MCTP2: variants seen among roughly 807,000 people sequenced by gnomAD.
The protein encoded by MCTP2 is multiple C2 and transmembrane domain containing 2.
MCTP2 carries 132 observed loss-of-function variants against 111.6 expected under a neutral mutation model. The observed-to-expected ratio is 1.18, with a 90% CI of 1.03 to 1.37. The LOEUF (loss-of-function observed/expected upper bound fraction) is 1.37, where lower values mean the gene tolerates loss of function less well. Ranked by LOEUF, MCTP2 falls within the 40% of genes most tolerant of loss-of-function variation. The probability of loss-of-function intolerance (pLI) is 0.00; values close to 1 mark genes in which losing one functional copy is unlikely to be tolerated. For synonymous variants in MCTP2, 395 were observed against 387.7 expected (o/e 1.02, Z -0.22); for missense variants, 1,183 against 1,067.9 (o/e 1.11, Z -1.50).
At chr15:94,364,498 G>A (rs1004776582) in intron 10 of MCTP2, among the ~76,000 whole-genome samples, 1 of 152,126 alleles carries the variant, frequency 6.6e-6, no homozygotes, top group African/African-American at 2.4e-5. Flanking sequence ...TGAAAAAGAA[G>A]AAGTCTAGAT....
chr15:94,321,331 T>G (rs1345315153), intron 4 of MCTP2, among the ~76,000 whole-genome samples: 1 of 152,184 alleles, frequency 6.6e-6, no homozygotes, highest in Non-Finnish European at 1.5e-5. Flanking sequence ...AAATGATGTG[T>G]TTGAGGTGAT....
At chr15:94,419,663 A>G (rs17662635) in intron 17 of MCTP2, among the ~76,000 whole-genome samples, 9,652 of 152,174 alleles carry the variant, frequency 0.063, 383 homozygotes, top group East Asian at 0.17. Flanking sequence ...ATAGCCTTTC[A>G]TAGTTGCCCT....
intron 14 of MCTP2, among the ~76,000 whole-genome samples, chr15:94,389,136 A>G (rs1303379544): frequency 6.6e-6 from 1 of 152,118 alleles, no homozygotes; most frequent in African/African-American, 2.4e-5. Flanking sequence ...GTTTAGGAAG[A>G]CTTAGGAAGT....
intron 19 of MCTP2, among the ~76,000 whole-genome samples, chr15:94,456,101 AAATT>A (rs748399436): frequency 8.2e-4 from 125 of 152,240 alleles, no homozygotes; most frequent in Non-Finnish European, 1.3e-3. Context: ...CAATAATCAA[AAATT>A]AATTGTTTAC....
intron 3 of MCTP2, chr15:94,314,902 TGG>T: frequency 2.6e-6 from 1 of 383,312 alleles, no homozygotes; most frequent in Non-Finnish European, 5.1e-6. Context: ...ACACTAAGAG[TGG>T]GTGCCAGAGA....
At chr15:94,444,800 A>G (rs536781111) in intron 19 of MCTP2, among the ~76,000 whole-genome samples, 60 of 152,310 alleles carry the variant, frequency 3.9e-4, no homozygotes, top group Non-Finnish European at 7.2e-4. Context: ...TTTATAAACC[A>G]AGGCCTGGAT....
At chr15:94,423,716 A>G (rs1461092097) in intron 17 of MCTP2, among the ~76,000 whole-genome samples, 1 of 152,186 alleles carries the variant, frequency 6.6e-6, no homozygotes, top group Non-Finnish European at 1.5e-5. Context: ...TGCCAATGGT[A>G]GTGGCTGCTT....
chr15:94,464,364 A>G (rs1251816414), intron 20 of MCTP2, among the ~76,000 whole-genome samples: 5 of 148,906 alleles, frequency 3.4e-5, no homozygotes, highest in Non-Finnish European at 6.0e-5. Context: ...TAAATTTTCT[A>G]CTTGTTGATT....
At chr15:94,253,496 A>AT (rs945164340) in intron 1 of MCTP2, among the ~76,000 whole-genome samples, 9 of 152,038 alleles carry the variant, frequency 5.9e-5, no homozygotes, top group East Asian at 3.8e-4. Context: ...TTCTAGTTAC[A>AT]TTTTTTTGTG....
At chr15:94,268,700 A>T (rs374600305) in intron 1 of MCTP2, among the ~76,000 whole-genome samples, 5 of 151,558 alleles carry the variant, frequency 3.3e-5, no homozygotes, top group African/African-American at 1.2e-4. Context: ...TTACCAGTAG[A>T]TCATAAACTT....
At chr15:94,270,256 A>G (rs1184134489) in intron 1 of MCTP2, among the ~76,000 whole-genome samples, 2 of 152,170 alleles carry the variant, frequency 1.3e-5, no homozygotes, top group Admixed American at 6.5e-5. Context: ...ACTGAGATAG[A>G]GAGGCTTCAA....
At chr15:94,440,489 C>A (rs1183947877) in intron 18 of MCTP2, among the ~76,000 whole-genome samples, 191 bp downstream of exon 18, 1 of 152,302 alleles carries the variant, frequency 6.6e-6, no homozygotes, top group East Asian at 1.9e-4. Context: ...TGGCATCTTA[C>A]GTTCCTGAGT....
At chr15:94,382,476 C>CT (rs2080196356) in intron 12 of MCTP2, among the ~76,000 whole-genome samples, 1 of 152,260 alleles carries the variant, frequency 6.6e-6, no homozygotes, top group African/African-American at 2.4e-5. Flanking sequence ...GGCGAGGAAT[C>CT]TAAGTGTCCA....
chr15:94,234,806 T>C (rs1190164669), intron 1 of MCTP2, among the ~76,000 whole-genome samples: 1 of 152,212 alleles, frequency 6.6e-6, no homozygotes, highest in Non-Finnish European at 1.5e-5. Context: ...CCCAGTCTCA[T>C]GGAGCTGATT....
intron 8 of MCTP2, among the ~76,000 whole-genome samples, chr15:94,351,619 C>T (rs980567644): frequency 6.6e-5 from 10 of 152,218 alleles, no homozygotes; most frequent in African/African-American, 2.4e-4. Context: ...ATATGTTTAT[C>T]CTTCTGTCTC....
chr15:94,411,545 A>G (rs555905557), intron 17 of MCTP2, among the ~76,000 whole-genome samples: 44 of 152,238 alleles, frequency 2.9e-4, no homozygotes, highest in African/African-American at 9.9e-4. Context: ...GCCTGATCTG[A>G]TGTTTATGGA....
At chr15:94,429,958 CT>C (rs1274553162) in intron 17 of MCTP2, among the ~76,000 whole-genome samples, 1 of 152,130 alleles carries the variant, frequency 6.6e-6, no homozygotes, top group Non-Finnish European at 1.5e-5. Flanking sequence ...CAATCATTCC[CT>C]TTTTATCTTC....
intron 1 of MCTP2, among the ~76,000 whole-genome samples, chr15:94,243,014 TGTATATGTGTATCTACACATACAC>T: frequency 1.1e-5 from 1 of 87,390 alleles, no homozygotes; most frequent in African/African-American, 4.6e-5. Context: ...CACATACACG[TGTATATGTGTATCTACACATACAC>T]GTGTATATGT....
intron 4 of MCTP2, among the ~76,000 whole-genome samples, chr15:94,325,109 G>A (rs2076799038): frequency 6.6e-6 from 1 of 152,266 alleles, no homozygotes; most frequent in African/African-American, 2.4e-5. Context: ...GATGTGACGT[G>A]CTGAAGAGTG....
Sources: gnomAD v4.1 joint callset for allele counts (sites outside exome capture counted in the v4.1 genomes callset) on GRCh38, gnomAD v4.1.1 for gene constraint, MANE v1.5 for transcripts, NCBI Gene and HGNC (gene_info 2026-07-23, HGNC 2026-07-21) for gene names.